NUGGC: variants seen among roughly 807,000 people sequenced by gnomAD.
The protein encoded by NUGGC is nuclear GTPase, germinal center associated.
A neutral mutation model predicts 92.6 loss-of-function variants in NUGGC; 58 were observed. That is an observed-to-expected ratio of 0.63 (90% CI 0.51 to 0.78). The LOEUF is 0.78. Ranked by LOEUF, NUGGC falls within the 30% of genes least tolerant of loss-of-function variation. The pLI is 0.00. For synonymous variants in NUGGC, 376 were observed against 366.4 expected (o/e 1.03, Z -0.30); for missense variants, 925 against 964.6 (o/e 0.96, Z 0.54).
intron 18 of NUGGC, among the ~76,000 whole-genome samples, chr8:28,024,458 A>C (rs1430996751): frequency 6.6e-6 from 1 of 152,100 alleles, no homozygotes; most frequent in African/African-American, 2.4e-5. Flanking sequence ...GCCTCCCTGC[A>C]TCAGATTTTG....
intron 12 of NUGGC, among the ~76,000 whole-genome samples, chr8:28,045,074 C>T (rs1335516299): frequency 6.6e-6 from 1 of 152,230 alleles, no homozygotes; most frequent in Non-Finnish European, 1.5e-5. Context: ...CTCCAAGCTT[C>T]CATCCTCTCA....
rs758758971 is a variant in NUGGC, at chr8:28,029,375, G to A, written c.2045C>T (p.Ala682Val). 45 of 1,612,352 alleles carry A rather than the reference G, an allele frequency of 2.8e-5. No individual in the cohort carries two copies. Among genetic ancestry groups the A allele is most frequent in the African/African-American group, 9.4e-5 (7 of 74,840 alleles). The part of the protein sequence containing the change: ...EEAAQITGKK[A>V]CERMKDAIRR... ...GATGGCATCTTTCATCCGCTCACAC[G>A]CTTTTTTGCCCGTGATCTGAGCTGC... The change falls in exon 17 of 19, where the codon GCG (alanine) becomes GTG (valine). Residue 682 changes from alanine (A) to valine (V), a missense_variant. By Grantham distance (64) the Ala-to-Val change is moderately conservative (BLOSUM62 0). Transcript: ENST00000413272.
chr8:28,070,195 T>C (rs755722948), intron 3 of NUGGC, 57 bp downstream of exon 3: 46 of 1,498,636 alleles, frequency 3.1e-5, no homozygotes, highest in Non-Finnish European at 4.0e-5. Flanking sequence ...TTTGACCATT[T>C]TAACATACTT....
chr8:28,066,099 G>T (rs762194688), intron 6 of NUGGC, among the ~76,000 whole-genome samples: 19 of 152,202 alleles, frequency 1.2e-4, no homozygotes, highest in Non-Finnish European at 2.5e-4. Context: ...AATTTATGAC[G>T]CTGGGAAGGA....
chr8:28,046,336 C>T (rs557840575), intron 11 of NUGGC, among the ~76,000 whole-genome samples: 5 of 152,304 alleles, frequency 3.3e-5, no homozygotes, highest in South Asian at 4.1e-4. Flanking sequence ...CATACCTACA[C>T]GTCTAGTCAA....
chr8:28,056,361 C>T (rs570504151), intron 9 of NUGGC, among the ~76,000 whole-genome samples: 1 of 151,988 alleles, frequency 6.6e-6, no homozygotes, highest in South Asian at 2.1e-4. Context: ...GCCTGTAGTC[C>T]CAGCTACTCG....
At chr8:28,082,993 C>A (rs1810886704) in intron 1 of NUGGC, among the ~76,000 whole-genome samples, 1 of 152,132 alleles carries the variant, frequency 6.6e-6, no homozygotes, top group South Asian at 2.1e-4. Flanking sequence ...TTAAGAAAAT[C>A]AAAGGAGAGA....
At chr8:28,031,156 A>G in intron 15 of NUGGC, 87 bp downstream of exon 15, 5 of 1,457,696 alleles carry the variant, frequency 3.4e-6, no homozygotes, top group South Asian at 2.4e-5. Context: ...CCAGGGAACA[A>G]GGGAACAGAC....
At chr8:28,080,235 C>A (rs975798250) in intron 1 of NUGGC, among the ~76,000 whole-genome samples, 5 of 152,070 alleles carry the variant, frequency 3.3e-5, no homozygotes, top group Non-Finnish European at 5.9e-5. Context: ...AGCCACCATG[C>A]CCAACCTTAC....
At chr8:28,057,825 G>C (rs912382411) in intron 9 of NUGGC, among the ~76,000 whole-genome samples, 2 of 152,128 alleles carry the variant, frequency 1.3e-5, no homozygotes, top group Non-Finnish European at 2.9e-5. Context: ...AATTGAGCAG[G>C]GAGTTGGCAC....
intron 10 of NUGGC, among the ~76,000 whole-genome samples, chr8:28,052,801 TTAAC>T (rs1233726883): frequency 1.3e-5 from 2 of 152,238 alleles, no homozygotes; most frequent in African/African-American, 4.8e-5. Context: ...TGTGCATTAC[TTAAC>T]TGCCATTTAA....
chr8:28,064,652 C>A lies in NUGGC; in HGVS notation c.791G>T (p.Arg264Leu), dbSNP rs139165843. Residue 264 changes from arginine to leucine, a missense_variant, in exon 7 of 19, where the codon CGC (arginine) becomes CTC (leucine). Coordinates refer to ENST00000413272, the MANE Select transcript of NUGGC (RefSeq NM_001010906.2). ...CACATGTTTGATCAAGGGCCAGATGCGCATCTCAGCGGCCTCTCCATCCCA... is the reference window on the plus strand; with the variant it reads ...CACATGTTTGATCAAGGGCCAGATGAGCATCTCAGCGGCCTCTCCATCCCA... ...RDWDGEAAEM[R>L]IWPLIKHVEV... is the part of the protein sequence containing the mutation. The A allele has an allele frequency of 6.8e-6, 11 of 1,613,970 alleles. No individual in the cohort carries two copies. The highest frequency in any genetic ancestry group is 3.3e-5 in the South Asian group (3 of 91,084).
At chr8:28,049,509 A>T (rs1244290777) in intron 10 of NUGGC, among the ~76,000 whole-genome samples, 1 of 152,262 alleles carries the variant, frequency 6.6e-6, no homozygotes, top group African/African-American at 2.4e-5. Context: ...ACTGAAGATT[A>T]GTTAACATTT....
At chr8:28,052,366 C>T (rs900876718) in intron 10 of NUGGC, among the ~76,000 whole-genome samples, 4 of 152,258 alleles carry the variant, frequency 2.6e-5, no homozygotes, top group African/African-American at 9.6e-5. Flanking sequence ...AGGTCCTAAT[C>T]TCCACTACCT....
intron 9 of NUGGC, among the ~76,000 whole-genome samples, chr8:28,056,371 G>A (rs1045565374): frequency 6.6e-6 from 1 of 151,846 alleles, no homozygotes; most frequent in Non-Finnish European, 1.5e-5. Flanking sequence ...CCAGCTACTC[G>A]GGAGGCTGAG....
At chr8:28,039,827 G>A (rs921900153) in intron 13 of NUGGC, among the ~76,000 whole-genome samples, 3 of 152,206 alleles carry the variant, frequency 2.0e-5, no homozygotes, top group Non-Finnish European at 4.4e-5. Flanking sequence ...GGACTAAAGT[G>A]TGACCCTTGA....
intron 17 of NUGGC, among the ~76,000 whole-genome samples, chr8:28,027,434 G>A (rs896375254): frequency 1.3e-5 from 2 of 152,122 alleles, no homozygotes; most frequent in Admixed American, 1.3e-4. Flanking sequence ...CCATCCTCTC[G>A]TCCATGCATC....
intron 11 of NUGGC, 142 bp from the exon 12 acceptor site, chr8:28,045,802 A>T (rs943735356): frequency 6.1e-5 from 47 of 766,736 alleles, no homozygotes; most frequent in Middle Eastern, 3.9e-4. Context: ...TACAGAACCA[A>T]CCTTTCTGAA....
In NUGGC at chr8:28,072,894, A is replaced by G. The variant is rs1402828992; in HGVS notation, c.43+1474T>C. 3.3e-5 allele frequency among the ~76,000 whole-genome samples: 5 copies of G among 151,658 alleles called. No homozygotes were observed. In the South Asian group the frequency reaches 1.0e-3, roughly 32 times the overall value. On this transcript the variant is annotated intron_variant, in intron 2 of 18. Transcript: ENST00000413272. ...TGTTGGGGTGGATAGCGGCAGTCCA[A>G]AAAGCGTAGTATACTGCTGCTGTTC...
Sources: gnomAD v4.1 joint callset for allele counts (sites outside exome capture counted in the v4.1 genomes callset) on GRCh38, gnomAD v4.1.1 for gene constraint, MANE v1.5 for transcripts, NCBI Gene and HGNC (gene_info 2026-07-23, HGNC 2026-07-21) for gene names.